Variants in CDON observed in about 807,000 individuals in gnomAD.
The protein encoded by CDON is cell adhesion associated, oncogene regulated, also known as cell adhesion molecule-related/down-regulated by oncogenes.
In CDON, 73 loss-of-function variants were observed where a neutral mutation model predicts 120.9. The observed-to-expected ratio is 0.60, with a 90% CI of 0.50 to 0.73. CDON has a LOEUF of 0.73. CDON is among the 30% of genes least tolerant of loss of function. The probability of loss-of-function intolerance (pLI) is 0.00; values close to 1 mark genes in which losing one functional copy is unlikely to be tolerated. For missense variants in CDON, 1,470 were observed against 1,587.3 expected (o/e 0.93, Z 1.26); for synonymous variants, 566 against 573.5 (o/e 0.99, Z 0.19).
chr11:125,959,048 C>T lies in CDON; in HGVS notation c.*1894G>A, dbSNP rs1005629504. The T allele has an allele frequency of 3.9e-5, 6 of 152,282 alleles. No homozygotes were observed. The highest frequency in any genetic ancestry group is 8.8e-5 in the Non-Finnish European group (6 of 68,034). The allele number at this position is 152,282 out of a possible 1,614,324, so 9.4% of individuals were successfully genotyped here. ...GAATAAATCCAGTATACTATAGGCACGGACATCTGGAATGTAGAACTTGGG... is the reference window on the plus strand; with the variant it reads ...GAATAAATCCAGTATACTATAGGCATGGACATCTGGAATGTAGAACTTGGG... On this transcript the variant is annotated 3_prime_UTR_variant, in exon 20 of 20. Transcript: ENST00000531738.
At chr11:126,007,861 G>A (rs895387175) in intron 8 of CDON, among the ~76,000 whole-genome samples, 2 of 152,052 alleles carry the variant, frequency 1.3e-5, no homozygotes, top group African/African-American at 2.4e-5. Context: ...GTACTTCCCC[G>A]GTGTTTTTGC....
intron 18 of CDON, among the ~76,000 whole-genome samples, chr11:125,971,237 G>C (rs1945979279): frequency 6.6e-6 from 1 of 151,970 alleles, no homozygotes; most frequent in Admixed American, 6.6e-5. Context: ...TAAAAAATTA[G>C]CTGGGTGTGG....
intron 16 of CDON, among the ~76,000 whole-genome samples, chr11:125,983,335 A>G (rs1001746465): frequency 1.3e-5 from 2 of 152,198 alleles, no homozygotes; most frequent in African/African-American, 4.8e-5. Flanking sequence ...ATGTTCAAGC[A>G]CACGTATTCC....
In CDON at chr11:126,017,479, T is replaced by C. The variant is rs918111633; in HGVS notation, c.641-104A>G. 5 of 1,097,454 alleles carry C rather than the reference T, an allele frequency of 4.6e-6. No individual in the cohort carries two copies. In the Admixed American group the frequency reaches 5.9e-5, roughly 13 times the overall value. The allele number at this position is 1,097,454 out of a possible 1,614,324, so 68.0% of individuals were successfully genotyped here. The stretch of plus-strand genomic sequence containing the variant: ...CCATTTTCCCATGTATTCTTTATAC[T>C]ACAAGGTCCTATTTGGTGGTTAAAT... On this transcript the variant is annotated intron_variant, in intron 5 of 19. Transcript: ENST00000531738.
In CDON at chr11:125,983,613, A is replaced by G. The variant is rs541762735; in HGVS notation, c.2995+259T>C. On this transcript the variant is annotated intron_variant, in intron 16 of 19. Coordinates refer to ENST00000531738, the MANE Select transcript of CDON (RefSeq NM_001378964.1). ...CCAACAAAGCCGGAGTTTCCCAGCAATAAGTCAGCTATTTACTTAGAGACC... is the reference window on the plus strand; with the variant it reads ...CCAACAAAGCCGGAGTTTCCCAGCAGTAAGTCAGCTATTTACTTAGAGACC... Among the ~76,000 whole-genome samples the G allele has an allele frequency of 2.6e-5, 4 of 152,256 alleles. No homozygotes were observed. In the South Asian group the frequency reaches 6.2e-4, roughly 24 times the overall value.
At chr11:126,022,604 T>C (rs1673072006) in intron 2 of CDON, among the ~76,000 whole-genome samples, 1 of 152,158 alleles carries the variant, frequency 6.6e-6, no homozygotes, top group African/African-American at 2.4e-5. Flanking sequence ...ATCAATAAAT[T>C]GCTGAATCTA....
rs2134443794 is a variant in CDON, at chr11:125,981,313, T to C, written c.3012A>G (p.Gly1004=). The C allele has an allele frequency of 6.2e-7, 1 of 1,613,488 alleles. No individual in the cohort carries two copies. Among genetic ancestry groups the C allele is most frequent in the South Asian group, 1.1e-5 (1 of 91,074 alleles). ...TCATATCTGATCCTTGGTAGAGATATCCTGGTGGGTCATATTCTGTTAAAA... is the reference window on the plus strand; with the variant it reads ...TCATATCTGATCCTTGGTAGAGATACCCTGGTGGGTCATATTCTGTTAAAA... The part of the protein sequence containing the change: ...QNTIQKYDPP[G]YLYQGSDMNG... Residue 1004 remains glycine, a synonymous_variant, in exon 17 of 20, where the codon GGA becomes GGG. Coordinates refer to ENST00000531738, the MANE Select transcript of CDON (RefSeq NM_001378964.1).
intron 1 of CDON, among the ~76,000 whole-genome samples, chr11:126,024,390 G>A (rs1299815506): frequency 6.6e-6 from 1 of 152,244 alleles, no homozygotes; most frequent in African/African-American, 2.4e-5. Context: ...ACAACACTGA[G>A]TCAACCGTGG....
chr11:125,993,431 G>A (rs998998369), intron 14 of CDON, among the ~76,000 whole-genome samples: 10 of 151,032 alleles, frequency 6.6e-5, no homozygotes, highest in African/African-American at 2.4e-4. Context: ...ACACAACCAC[G>A]TGCTTAAACT....
chr11:126,060,096 C>T (rs896203600), intron 1 of CDON, among the ~76,000 whole-genome samples: 1 of 151,988 alleles, frequency 6.6e-6, no homozygotes, highest in African/African-American at 2.4e-5. Context: ...AAATACACAA[C>T]AAAAACTTAT....
In CDON at chr11:126,023,490, A is replaced by G. The variant is rs773923908; in HGVS notation, c.-14T>C. 1 of 1,588,332 alleles carries G rather than the reference A, an allele frequency of 6.3e-7. No individual in the cohort carries two copies. The highest frequency in any genetic ancestry group is 1.1e-5 in the South Asian group (1 of 90,594). On this transcript the variant is annotated 5_prime_UTR_variant, in exon 2 of 20. Coordinates refer to ENST00000531738, the MANE Select transcript of CDON (RefSeq NM_001378964.1). ...ATCCGGATGCATAGCGCCAGATTAC[A>G]GAAGCAATCAGGACAGGCTTCCAGA...
At chr11:126,056,790 A>G (rs1444404537) in intron 1 of CDON, among the ~76,000 whole-genome samples, 1 of 152,226 alleles carries the variant, frequency 6.6e-6, no homozygotes, top group East Asian at 1.9e-4. Context: ...TCTTCCTGAT[A>G]TAAGTGCTTG....
Position 125,961,118 on chromosome 11 carries a change from A to G in CDON, c.3632-13T>C. The G allele has an allele frequency of 6.2e-7, 1 of 1,612,602 alleles. No individual in the cohort carries two copies. Among genetic ancestry groups the G allele is most frequent in the Non-Finnish European group, 8.5e-7 (1 of 1,178,888 alleles). On this transcript the variant is annotated splice_polypyrimidine_tract_variant and intron_variant, in intron 19 of 19. Transcript: ENST00000531738. Reference sequence around the variant, plus strand: ...GCACAGCTGTCTCCTGAAACACAGCAGGGTTTGGGAGCATTATCAAATGAT... The same window carrying G: ...GCACAGCTGTCTCCTGAAACACAGCGGGGTTTGGGAGCATTATCAAATGAT...
intron 1 of CDON, among the ~76,000 whole-genome samples, chr11:126,062,371 G>A (rs1181379885): frequency 6.6e-6 from 1 of 152,110 alleles, no homozygotes; most frequent in African/African-American, 2.4e-5. Context: ...GTGCCTCCGA[G>A]CCCCCGAGGA....
chr11:126,040,246 CT>C (rs1400826408), intron 1 of CDON, among the ~76,000 whole-genome samples: 33 of 152,230 alleles, frequency 2.2e-4, no homozygotes, highest in African/African-American at 7.7e-4. Context: ...TAAAAAATAA[CT>C]TTTTAAAAAA....
intron 18 of CDON, among the ~76,000 whole-genome samples, chr11:125,973,851 TA>T (rs1444299897): frequency 6.6e-6 from 1 of 152,206 alleles, no homozygotes; most frequent in African/African-American, 2.4e-5. Context: ...ACTTTTCCTT[TA>T]AAGCATCCAG....
At chr11:126,047,923 T>C (rs991600703) in intron 1 of CDON, among the ~76,000 whole-genome samples, 1 of 152,210 alleles carries the variant, frequency 6.6e-6, no homozygotes, top group Non-Finnish European at 1.5e-5. Flanking sequence ...TGTGGATGTC[T>C]TTCAATCCCA....
At chr11:125,982,151 T>G (rs1252747544) in intron 16 of CDON, among the ~76,000 whole-genome samples, 1 of 89,050 alleles carries the variant, frequency 1.1e-5, no homozygotes, top group African/African-American at 4.1e-5. Flanking sequence ...ATTCTTTGTA[T>G]TTTTAGTAGA....
chr11:126,037,105 C>CT (rs35577601), intron 1 of CDON, among the ~76,000 whole-genome samples: 6,379 of 148,054 alleles, frequency 0.043, 221 homozygotes, highest in East Asian at 0.1. Flanking sequence ...CATTTTCTTT[C>CT]TTTTTTTTTT....
Sources: gnomAD v4.1 joint callset for allele counts (sites outside exome capture counted in the v4.1 genomes callset) on GRCh38, gnomAD v4.1.1 for gene constraint, MANE v1.5 for transcripts, NCBI Gene and HGNC (gene_info 2026-07-23, HGNC 2026-07-21) for gene names.